The following ZFHX3 variants were observed in gnomAD, a reference collection of about 807,000 sequenced individuals.
ZFHX3 encodes the protein zinc finger homeobox 3, also known as zinc finger homeobox protein 3.
In ZFHX3, 42 loss-of-function variants were observed where a neutral mutation model predicts 279.1. That is an observed-to-expected ratio of 0.15 (90% CI 0.12 to 0.19). The LOEUF is 0.19. ZFHX3 is among the 10% of genes least tolerant of loss of function. The probability of loss-of-function intolerance (pLI) is 1.00; values close to 1 mark genes in which losing one functional copy is unlikely to be tolerated. For synonymous variants in ZFHX3, 2,293 were observed against 1,957.8 expected (o/e 1.17, Z -4.52); for missense variants, 4,981 against 4,754.0 (o/e 1.05, Z -1.40).
At chr16:73,835,327 G>A (rs1169024610) in intron 1 of ZFHX3, among the ~76,000 whole-genome samples, 3 of 151,914 alleles carry the variant, frequency 2.0e-5, no homozygotes, top group Non-Finnish European at 2.9e-5. Context: ...AAGAAGAGTT[G>A]ATACCCTCCA....
intron 5 of ZFHX3, among the ~76,000 whole-genome samples, chr16:73,183,257 T>C (rs886790668): frequency 6.6e-6 from 1 of 152,160 alleles, no homozygotes; most frequent in African/African-American, 2.4e-5. Flanking sequence ...ATTTGGGTGA[T>C]GCGGACACTA....
intron 1 of ZFHX3, among the ~76,000 whole-genome samples, chr16:73,036,116 G>T (rs745435953): frequency 2.0e-5 from 3 of 152,104 alleles, no homozygotes; most frequent in Admixed American, 6.5e-5. Context: ...CACAGCACAC[G>T]CGTGCGCGCG....
At chr16:73,048,412 C>A (rs1965380741), upstream of ZFHX3, 1 of 151,588 alleles carries the variant, frequency 6.6e-6, no homozygotes, top group Admixed American at 6.6e-5. Flanking sequence ...CCGCTTGGGG[C>A]GCGGGCCTTG....
At chr16:73,141,942 G>A (rs1477844969) in intron 6 of ZFHX3, among the ~76,000 whole-genome samples, 1 of 152,104 alleles carries the variant, frequency 6.6e-6, no homozygotes, top group African/African-American at 2.4e-5. Flanking sequence ...TCTAACTCAG[G>A]GTTTATACTG....
At chr16:72,986,866 C>A (rs1314325939) in intron 1 of ZFHX3, among the ~76,000 whole-genome samples, 1 of 152,162 alleles carries the variant, frequency 6.6e-6, no homozygotes, top group Non-Finnish European at 1.5e-5. Flanking sequence ...TAGAACCCAG[C>A]CAGGTGCAGT....
At chr16:73,306,577 C>T (rs1174785095) in intron 4 of ZFHX3, among the ~76,000 whole-genome samples, 8 of 152,234 alleles carry the variant, frequency 5.3e-5, no homozygotes, top group Non-Finnish European at 1.2e-4. Flanking sequence ...CCTGCCTTGG[C>T]CTCCGAAAGT....
intron 4 of ZFHX3, among the ~76,000 whole-genome samples, chr16:73,301,686 T>C (rs1360868371): frequency 6.6e-6 from 1 of 151,538 alleles, no homozygotes; most frequent in Non-Finnish European, 1.5e-5. Context: ...CATTGCCAAG[T>C]CCCTCATGGC....
chr16:73,676,489 C>G (rs1339245439), intron 2 of ZFHX3, among the ~76,000 whole-genome samples: 1 of 151,794 alleles, frequency 6.6e-6, no homozygotes, highest in African/African-American at 2.4e-5. Flanking sequence ...AAATTGAATA[C>G]CAACATATAC....
intron 3 of ZFHX3, among the ~76,000 whole-genome samples, chr16:72,917,895 T>C (rs1300056943): frequency 6.6e-6 from 1 of 152,196 alleles, no homozygotes; most frequent in Admixed American, 6.5e-5. Context: ...ACGATCACCT[T>C]ACTGTTACAT....
In ZFHX3 at chr16:73,800,179, G is replaced by A. The variant is rs185117928; in HGVS notation, c.-1608+91472C>T. On this transcript the variant is annotated intron_variant, in intron 1 of 17. Coordinates refer to the ZFHX3 transcript ENST00000641206. ...CATGTATTTATTAAGGACTGCCACC[G>A]TGGCGCAAGACTGCTTTTTGTTGGC... is the stretch of plus-strand genomic sequence containing the variant. Among the ~76,000 whole-genome samples, 346 of 151,846 alleles carry A rather than the reference G, an allele frequency of 2.3e-3. 2 individuals carry two copies. Among genetic ancestry groups the A allele is most frequent in the African/African-American group, 7.7e-3 (319 of 41,422 alleles).
chr16:73,890,543 G>T (rs1307503706), intron 1 of ZFHX3, among the ~76,000 whole-genome samples: 6 of 152,100 alleles, frequency 3.9e-5, no homozygotes, highest in Admixed American at 3.3e-4. Flanking sequence ...GAAAGATTCG[G>T]TTTTTTAATT....
At chr16:73,709,185 A>C (rs546143879) in intron 1 of ZFHX3, among the ~76,000 whole-genome samples, 2 of 152,280 alleles carry the variant, frequency 1.3e-5, no homozygotes, top group African/African-American at 4.8e-5. Context: ...GCCAGCCTGC[A>C]CAAGACCCTC....
intron 2 of ZFHX3, among the ~76,000 whole-genome samples, chr16:73,630,295 A>C (rs1215635215): frequency 6.6e-6 from 1 of 152,246 alleles, no homozygotes; most frequent in East Asian, 1.9e-4. Flanking sequence ...ATTGGAAATT[A>C]ATTTGATCAT....
intron 2 of ZFHX3, among the ~76,000 whole-genome samples, chr16:73,564,950 G>A (rs572369880): frequency 2.0e-5 from 3 of 152,168 alleles, no homozygotes; most frequent in Non-Finnish European, 4.4e-5. Context: ...CATGCTTTCT[G>A]AGTAGTAAGA....
intron 1 of ZFHX3, among the ~76,000 whole-genome samples, chr16:73,727,988 C>A (rs1006768675): frequency 6.8e-6 from 1 of 146,232 alleles, no homozygotes; most frequent in Non-Finnish European, 1.5e-5. Context: ...AATTCAGCTC[C>A]TTGGTCCCTT....
chr16:73,320,099 G>C (rs560774521), intron 3 of ZFHX3, among the ~76,000 whole-genome samples: 1 of 152,314 alleles, frequency 6.6e-6, no homozygotes, highest in African/African-American at 2.4e-5. Context: ...GTCTGGAAGA[G>C]GGAAGAACCG....
chr16:72,889,927 C>G lies in ZFHX3; in HGVS notation c.3252G>C (p.Glu1084Asp). 6.2e-7 allele frequency: 1 copy of G among 1,614,076 alleles called. No individual in the cohort carries two copies. The highest frequency in any genetic ancestry group is 8.5e-7 in the Non-Finnish European group (1 of 1,180,030). Reference protein sequence around the residue: ...LQQHESGVEGESCYYHCVLCN... With the variant: ...LQQHESGVEGDSCYYHCVLCN... ...ACAGAACGCAGTGGTAGTAGCAGCT[C>G]TCACCTTCTACACCACTCTCATGCT... is the stretch of plus-strand genomic sequence containing the variant. Residue 1084 changes from glutamate to aspartate, a missense_variant, in exon 4 of 10, where the codon GAG becomes GAC. By Grantham distance (45) the Glu-to-Asp change is conservative. This residue lies in a region of ZFHX3 where 1,751 missense variants were observed against 1,770.0 expected (regional missense o/e 0.99). Coordinates refer to ENST00000268489, the MANE Select transcript of ZFHX3 (RefSeq NM_006885.4).
chr16:73,171,629 G>A (rs1967527058), intron 5 of ZFHX3, among the ~76,000 whole-genome samples: 1 of 152,184 alleles, frequency 6.6e-6, no homozygotes, highest in Non-Finnish European at 1.5e-5. Context: ...TGTGTTTACT[G>A]ATTCCTAACT....
chr16:72,889,147 C>T (rs921171034), intron 4 of ZFHX3, among the ~76,000 whole-genome samples: 4 of 151,986 alleles, frequency 2.6e-5, no homozygotes, highest in African/African-American at 7.2e-5. Context: ...TAGCAGGTCT[C>T]GACGCATTGA....
Sources: gnomAD v4.1 joint callset for allele counts (sites outside exome capture counted in the v4.1 genomes callset) on GRCh38, gnomAD v4.1.1 for gene constraint, gnomAD v4.1.1 regional missense constraint, MANE v1.5 for transcripts, NCBI Gene and HGNC (gene_info 2026-07-23, HGNC 2026-07-21) for gene names.